DLG2: variants seen among roughly 807,000 people sequenced by gnomAD.
DLG2 encodes discs large MAGUK scaffold protein 2, also known as disks large homolog 2.
DLG2 carries 45 observed loss-of-function variants against 132.5 expected under a neutral mutation model. The ratio of observed to expected loss-of-function variants is 0.34; its 90% CI spans 0.27 to 0.44. DLG2 has a LOEUF of 0.44. Among genes scored for constraint, DLG2 ranks in the 20% least tolerant of loss-of-function variants. The pLI, the probability that DLG2 is intolerant of heterozygous loss-of-function variation, is 1.00. For synonymous variants in DLG2, 424 were observed against 419.6 expected (o/e 1.01, Z -0.13); for missense variants, 1,045 against 1,196.9 (o/e 0.87, Z 1.87).
At chr11:84,814,372 C>T (rs558885387) in intron 6 of DLG2, among the ~76,000 whole-genome samples, 33 of 152,146 alleles carry the variant, frequency 2.2e-4, no homozygotes, top group African/African-American at 7.5e-4. Context: ...GCTTTTTCTG[C>T]TCTAGATCAC....
intron 6 of DLG2, among the ~76,000 whole-genome samples, chr11:84,642,089 T>A (rs2099667657): frequency 7.5e-6 from 1 of 133,104 alleles, no homozygotes; most frequent in African/African-American, 3.2e-5. Flanking sequence ...TGTGTATATG[T>A]AGAGTGTGTG....
At chr11:84,317,311 C>A (rs1292008915) in intron 7 of DLG2, 1 of 1,434,822 alleles carries the variant, frequency 7.0e-7, no homozygotes, top group Non-Finnish European at 9.1e-7. Context: ...GTGGGAGCAG[C>A]GACAGCAGCT....
rs750017415 is a variant in DLG2, at chr11:85,344,793, C to T, written c.41-59428G>A. ...ATTGCTGAGTTGGATTTCCCTTAAA[C>T]ATGTCATTAAATGTTTTTCAATTCC... On this transcript the variant is annotated intron_variant, in intron 3 of 27. Transcript: ENST00000376104. Among the ~76,000 whole-genome samples, 11 of 151,948 alleles carry T rather than the reference C, an allele frequency of 7.2e-5. No individual in the cohort carries two copies. In the South Asian group the frequency reaches 2.3e-3, roughly 31 times the overall value.
intron 3 of DLG2, among the ~76,000 whole-genome samples, chr11:85,444,848 T>C (rs1003448707): frequency 4.6e-5 from 7 of 152,240 alleles, no homozygotes; most frequent in African/African-American, 9.6e-5. Flanking sequence ...AAAGCCACAA[T>C]TACTTTTGCA....
intron 5 of DLG2, among the ~76,000 whole-genome samples, chr11:85,150,578 T>C (rs2077177663): frequency 6.6e-6 from 1 of 152,136 alleles, no homozygotes; most frequent in Non-Finnish European, 1.5e-5. Flanking sequence ...AGATACTTCA[T>C]AGGAGTGGAA....
intron 7 of DLG2, among the ~76,000 whole-genome samples, chr11:84,274,121 T>C (rs1330358453): frequency 6.6e-6 from 1 of 152,166 alleles, no homozygotes. Flanking sequence ...AAAAGACTCG[T>C]ATAAGCATGA....
chr11:85,452,939 C>A lies in DLG2; in HGVS notation c.40+145718G>T. 1.4e-5 allele frequency: 3 copies of A among 214,552 alleles called. No individual in the cohort carries two copies. The South Asian group carries it at 2.7e-4, about 19-fold the overall frequency. The allele number at this position is 214,552 out of a possible 1,614,324, so 13.3% of individuals were successfully genotyped here. On this transcript the variant is annotated intron_variant, in intron 3 of 27. Transcript: ENST00000376104. ...GCAACTTCAGGGAGGTGACTAAGGTCATGCCTTTAGCAGAGATGGCTCAGA... is the reference window on the plus strand; with the variant it reads ...GCAACTTCAGGGAGGTGACTAAGGTAATGCCTTTAGCAGAGATGGCTCAGA...
At chr11:85,534,447 C>A (rs2075437576) in intron 3 of DLG2, among the ~76,000 whole-genome samples, 1 of 152,052 alleles carries the variant, frequency 6.6e-6, no homozygotes, top group South Asian at 2.1e-4. Flanking sequence ...ATTACCCATA[C>A]AGTGAACAAA....
At chr11:85,302,043 T>A (rs1231416013) in intron 3 of DLG2, among the ~76,000 whole-genome samples, 1 of 152,114 alleles carries the variant, frequency 6.6e-6, no homozygotes, top group Non-Finnish European at 1.5e-5. Flanking sequence ...GCACATGAGG[T>A]CAGACTGTCA....
chr11:84,100,537 C>G (rs1320794086), intron 9 of DLG2, among the ~76,000 whole-genome samples: 9 of 151,686 alleles, frequency 5.9e-5, no homozygotes. Context: ...GCTAGGCAGT[C>G]TTTATAAATA....
chr11:84,874,831 G>A (rs184187105), intron 6 of DLG2, among the ~76,000 whole-genome samples: 2 of 152,120 alleles, frequency 1.3e-5, no homozygotes, highest in African/African-American at 4.8e-5. Context: ...GACCAGCCTA[G>A]CCAATATGGT....
chr11:85,097,321 T>C (rs1236252419), intron 6 of DLG2, among the ~76,000 whole-genome samples: 1 of 152,148 alleles, frequency 6.6e-6, no homozygotes, highest in South Asian at 2.1e-4. Context: ...CAGGGGACTA[T>C]CTGGAATTTT....
At chr11:83,858,051 C>T (rs2060833490) in intron 16 of DLG2, among the ~76,000 whole-genome samples, 1 of 152,148 alleles carries the variant, frequency 6.6e-6, no homozygotes, top group Non-Finnish European at 1.5e-5. Flanking sequence ...GATTGCAGCA[C>T]TGGGGACCAA....
intron 4 of DLG2, among the ~76,000 whole-genome samples, chr11:85,162,543 CAT>C (rs1479103571): frequency 6.6e-6 from 1 of 152,156 alleles, no homozygotes; most frequent in African/African-American, 2.4e-5. Context: ...TTGTTAAAAA[CAT>C]GTGTAAGCAT....
rs560945368 is a variant in DLG2 at position 84,150,682 on chromosome 11, C to T, written c.624+12779G>A. The stretch of plus-strand genomic sequence containing the variant: ...GAGTGGTGAGAGTGGGCATCCTTGT[C>T]TTATTCCAGTTCTCAATGGGAATGC... On this transcript the variant is annotated intron_variant, in intron 9 of 27. Coordinates refer to ENST00000376104, the MANE Select transcript of DLG2 (RefSeq NM_001142699.3). 2.6e-5 allele frequency among the ~76,000 whole-genome samples: 4 copies of T among 152,242 alleles called. No individual in the cohort carries two copies. In the South Asian group the frequency reaches 8.3e-4, roughly 32 times the overall value.
intron 7 of DLG2, among the ~76,000 whole-genome samples, chr11:84,339,633 G>A (rs1454599111): frequency 6.6e-6 from 1 of 152,108 alleles, no homozygotes; most frequent in Non-Finnish European, 1.5e-5. Context: ...GAAGGAGTCT[G>A]GACTCTGTGG....
At chr11:85,104,567 A>G (rs74800826) in intron 6 of DLG2, among the ~76,000 whole-genome samples, 2 of 151,860 alleles carry the variant, frequency 1.3e-5, no homozygotes, top group East Asian at 3.9e-4. Flanking sequence ...ATGGGAAATT[A>G]CTGCTAATGG....
intron 4 of DLG2, among the ~76,000 whole-genome samples, chr11:85,191,268 G>A (rs72945959): frequency 0.06 from 9,038 of 149,710 alleles, 435 homozygotes; most frequent in African/African-American, 0.12. Flanking sequence ...GTAACTTTCC[G>A]TACTCTTTGC....
At chr11:85,289,787 T>C (rs1398223010) in intron 3 of DLG2, among the ~76,000 whole-genome samples, 1 of 152,150 alleles carries the variant, frequency 6.6e-6, no homozygotes, top group Non-Finnish European at 1.5e-5. Flanking sequence ...AATGCTCATA[T>C]CCACTTCCCT....
Sources: gnomAD v4.1 joint callset for allele counts (sites outside exome capture counted in the v4.1 genomes callset) on GRCh38, gnomAD v4.1.1 for gene constraint, MANE v1.5 for transcripts, NCBI Gene and HGNC (gene_info 2026-07-23, HGNC 2026-07-21) for gene names.